Variants in CFAP47 observed in about 807,000 individuals in gnomAD.
CFAP47 encodes cilia- and flagella-associated protein 47.
A neutral mutation model predicts 148.1 loss-of-function variants in CFAP47; 29 were observed. The ratio of observed to expected loss-of-function variants is 0.20; its 90% CI spans 0.15 to 0.27. The LOEUF is 0.27. Ranked by LOEUF, CFAP47 falls within the 10% of genes least tolerant of loss-of-function variation. The pLI, the probability that CFAP47 is intolerant of heterozygous loss-of-function variation, is 1.00. For synonymous variants in CFAP47, 664 were observed against 577.3 expected (o/e 1.15, Z -2.15); for missense variants, 1,872 against 1,697.5 (o/e 1.10, Z -1.81).
chrX:35,948,421 G>A lies in CFAP47; in HGVS notation c.625G>A (p.Asp209Asn). The A allele has an allele frequency of 8.3e-7, 1 of 1,203,522 alleles. No individual in the cohort carries two copies. Among genetic ancestry groups the A allele is most frequent in the Non-Finnish European group, 1.1e-6 (1 of 888,621 alleles). ...SMVIKVDFCA[D>N]QPRIVDEEAI... The stretch of plus-strand genomic sequence containing the variant: ...GGTTATTAAAGTAGATTTCTGTGCA[G>A]ACCAGCCAAGAATTGTAGATGAAGA... Residue 209 changes from aspartate (D) to asparagine (N), a missense_variant, in exon 4 of 64, where the codon GAC (aspartate) becomes AAC (asparagine). Coordinates refer to ENST00000378653, the MANE Select transcript of CFAP47 (RefSeq NM_001304548.2).
At chrX:36,309,485 T>C (rs1230776755) in intron 55 of CFAP47, among the ~76,000 whole-genome samples, 1 of 111,517 alleles carries the variant, frequency 9.0e-6, no homozygotes, top group Admixed American at 9.6e-5. Context: ...GCTGAATATA[T>C]TAATTGTTGA....
At chrX:36,172,090 C>T (rs1364148177) in intron 39 of CFAP47, among the ~76,000 whole-genome samples, 2 of 108,482 alleles carry the variant, frequency 1.8e-5, no homozygotes, top group Admixed American at 9.9e-5. Context: ...CATGATTTGG[C>T]TCTCTGTTTG....
chrX:36,148,602 G>GCCAA (rs1351407783), intron 36 of CFAP47, among the ~76,000 whole-genome samples: 1 of 112,010 alleles, frequency 8.9e-6, no homozygotes, highest in African/African-American at 3.2e-5. Flanking sequence ...GAAGGAGACA[G>GCCAA]CCAACCCTTC....
chrX:36,204,694 C>G (rs1254831168), intron 44 of CFAP47, among the ~76,000 whole-genome samples: 1 of 111,535 alleles, frequency 9.0e-6, no homozygotes, highest in African/African-American at 3.3e-5. Flanking sequence ...GAATAGTTTC[C>G]TCTTAAGGCA....
chrX:35,985,316 C>T (rs1052659732), intron 15 of CFAP47, among the ~76,000 whole-genome samples: 3 of 110,774 alleles, frequency 2.7e-5, no homozygotes, highest in Admixed American at 9.6e-5. Context: ...AGCACCTCAT[C>T]GGGGCCAGGG....
chrX:36,005,873 A>T (rs1415954761), intron 21 of CFAP47, among the ~76,000 whole-genome samples: 4 of 111,184 alleles, frequency 3.6e-5, no homozygotes, highest in Admixed American at 9.7e-5. Flanking sequence ...TATAATGTTT[A>T]TATCTCACAT....
chrX:36,089,739 A>G (rs1395683042), intron 30 of CFAP47, among the ~76,000 whole-genome samples: 1 of 112,076 alleles, frequency 8.9e-6, no homozygotes, highest in African/African-American at 3.2e-5. Context: ...TAGGCTTAAT[A>G]TTGGAGTGGC....
chrX:36,246,727 C>G (rs1940620562), intron 48 of CFAP47, among the ~76,000 whole-genome samples: 1 of 111,230 alleles, frequency 9.0e-6, no homozygotes, highest in South Asian at 3.7e-4. Flanking sequence ...AAAACCATAT[C>G]ACCATCTCAC....
chrX:35,929,835 C>T (rs1169799985), intron 2 of CFAP47, among the ~76,000 whole-genome samples: 5 of 110,013 alleles, frequency 4.5e-5, no homozygotes. Flanking sequence ...CTCGTCTCTA[C>T]TAGAAATACA....
At chrX:36,209,491 AT>A (rs1940076936) in intron 45 of CFAP47, among the ~76,000 whole-genome samples, 2 of 111,217 alleles carry the variant, frequency 1.8e-5, no homozygotes, top group South Asian at 7.5e-4. Flanking sequence ...CAAAACATAA[AT>A]TTTTTAGCAA....
At chrX:36,182,760 T>C (rs1168274289) in intron 40 of CFAP47, among the ~76,000 whole-genome samples, 1 of 108,963 alleles carries the variant, frequency 9.2e-6, no homozygotes, top group Non-Finnish European at 1.9e-5. Flanking sequence ...AGAAAATGTT[T>C]TTAAAAAAAC....
At chrX:35,932,557 C>A (rs112065294) in intron 2 of CFAP47, among the ~76,000 whole-genome samples, 4,316 of 110,034 alleles carry the variant, frequency 0.039, 203 homozygotes, top group African/African-American at 0.13. Context: ...CAGCCTGCTC[C>A]ATTTTTTTCT....
chrX:36,049,593 G>A (rs146624596), intron 26 of CFAP47, among the ~76,000 whole-genome samples: 1,216 of 109,383 alleles, frequency 0.011, 17 homozygotes, highest in African/African-American at 0.039. Context: ...AAGTACTGAG[G>A]CATTATTAAT....
chrX:36,372,465 G>A (rs1373355000), intron 62 of CFAP47, among the ~76,000 whole-genome samples: 2 of 111,657 alleles, frequency 1.8e-5, no homozygotes, highest in African/African-American at 6.5e-5. Flanking sequence ...GATATGTTCT[G>A]AGAAATGCAT....
chrX:36,219,997 A>G (rs1349952693), intron 45 of CFAP47, among the ~76,000 whole-genome samples: 1 of 111,451 alleles, frequency 9.0e-6, no homozygotes, highest in Non-Finnish European at 1.9e-5. Context: ...CAGGGTTCAC[A>G]TTATTGATTA....
chrX:36,240,722 G>A (rs1438538818), intron 48 of CFAP47, among the ~76,000 whole-genome samples: 1 of 111,056 alleles, frequency 9.0e-6, no homozygotes, highest in Non-Finnish European at 1.9e-5. Context: ...AGAAATAAAG[G>A]CCAAAAAAGC....
At position 36,303,954 on chromosome X, in the gene CFAP47, A is replaced by G. The variant is rs1403326358; in HGVS notation, c.8076A>G (p.Lys2692=). 4.9e-6 allele frequency: 5 copies of G among 1,016,697 alleles called. No homozygotes were observed. The highest frequency in any genetic ancestry group is 6.7e-6 in the Non-Finnish European group (5 of 749,041). 83.8% of individuals were successfully genotyped at this position (1,016,697 alleles called of 1,213,427 possible). Residue 2692 remains lysine, a synonymous_variant, in exon 54 of 64, where the codon AAA becomes AAG. Transcript: ENST00000378653. ...PENFVLDINR[K]SQLIISPHST... is the part of the protein sequence containing the mutation. ...ATTTTGTCCTGGATATTAACAGAAAATCACAAGTAAGTAAATTCAGAGAGC... is the reference window on the plus strand; with the variant it reads ...ATTTTGTCCTGGATATTAACAGAAAGTCACAAGTAAGTAAATTCAGAGAGC...
At chrX:36,314,263 G>A (rs1463893338) in intron 56 of CFAP47, among the ~76,000 whole-genome samples, 1 of 111,436 alleles carries the variant, frequency 9.0e-6, no homozygotes, top group African/African-American at 3.3e-5. Context: ...AACTCTGTCT[G>A]TGTAGTGATG....
At chrX:36,025,139 T>C (rs934708588) in intron 22 of CFAP47, among the ~76,000 whole-genome samples, 3 of 111,648 alleles carry the variant, frequency 2.7e-5, no homozygotes, top group Non-Finnish European at 3.8e-5. Context: ...AATATAAATA[T>C]TGTGGTAGTG....
Sources: gnomAD v4.1 joint callset for allele counts (sites outside exome capture counted in the v4.1 genomes callset) on GRCh38, gnomAD v4.1.1 for gene constraint, MANE v1.5 for transcripts, NCBI Gene and HGNC (gene_info 2026-07-23, HGNC 2026-07-21) for gene names.